The following IMMP2L variants were observed in gnomAD, a reference collection of about 807,000 sequenced individuals.
IMMP2L encodes the protein inner mitochondrial membrane peptidase subunit 2, also known as mitochondrial inner membrane protease subunit 2.
Under a neutral mutation model 19.3 loss-of-function variants are expected in IMMP2L, and 18 were observed. That is an observed-to-expected ratio of 0.93 (90% CI 0.64 to 1.38). The LOEUF (loss-of-function observed/expected upper bound fraction) is 1.38. IMMP2L is among the 40% of genes most tolerant of loss of function. The pLI is 0.00. For missense variants in IMMP2L, 233 were observed against 218.2 expected (o/e 1.07, Z -0.43); for synonymous variants, 76 against 73.0 (o/e 1.04, Z -0.21).
chr7:110,840,759 T>C (rs1804994256), intron 5 of IMMP2L, among the ~76,000 whole-genome samples: 1 of 152,160 alleles, frequency 6.6e-6, no homozygotes, highest in Admixed American at 6.6e-5. Flanking sequence ...CTAATGATTG[T>C]ATCACATATA....
At chr7:110,818,057 G>A (rs377631611) in intron 5 of IMMP2L, among the ~76,000 whole-genome samples, 1 of 151,970 alleles carries the variant, frequency 6.6e-6, no homozygotes, top group Non-Finnish European at 1.5e-5. Context: ...GCATGGGCAA[G>A]GACTTCATGT....
chr7:110,880,453 G>C (rs1051367517), intron 5 of IMMP2L, among the ~76,000 whole-genome samples: 3 of 152,008 alleles, frequency 2.0e-5, no homozygotes, highest in African/African-American at 7.2e-5. Context: ...TATTTACATA[G>C]CTTGCTATTT....
chr7:110,797,333 G>A (rs1381710627), intron 5 of IMMP2L, among the ~76,000 whole-genome samples: 1 of 151,988 alleles, frequency 6.6e-6, no homozygotes, highest in Non-Finnish European at 1.5e-5. Flanking sequence ...CATATGTGTA[G>A]TAGAGGAGCT....
chr7:111,266,471 A>G (rs1817846801), intron 3 of IMMP2L, among the ~76,000 whole-genome samples: 1 of 151,136 alleles, frequency 6.6e-6, no homozygotes, highest in South Asian at 2.1e-4. Context: ...TGAACCCAGG[A>G]GACAGAGGTT....
At chr7:111,518,613 A>G (rs995708017) in intron 2 of IMMP2L, among the ~76,000 whole-genome samples, 1 of 152,112 alleles carries the variant, frequency 6.6e-6, no homozygotes, top group Non-Finnish European at 1.5e-5. Flanking sequence ...CATGACATAA[A>G]CGTGTTTAGT....
At chr7:111,243,631 G>A (rs1406616145) in intron 3 of IMMP2L, among the ~76,000 whole-genome samples, 1 of 118,176 alleles carries the variant, frequency 8.5e-6, no homozygotes, top group African/African-American at 3.3e-5. Context: ...GTGTCATCTA[G>A]CATTAGGTAT....
intron 3 of IMMP2L, among the ~76,000 whole-genome samples, chr7:111,332,454 G>A (rs565241083): frequency 1.8e-4 from 27 of 151,952 alleles, no homozygotes; most frequent in African/African-American, 5.1e-4. Context: ...ACGTTTTAAC[G>A]CTAAAGCCAA....
intron 5 of IMMP2L, among the ~76,000 whole-genome samples, chr7:110,808,081 T>A (rs1026788099): frequency 6.6e-6 from 1 of 152,096 alleles, no homozygotes; most frequent in East Asian, 1.9e-4. Flanking sequence ...TATTAGTTTT[T>A]CACTTTAATA....
intron 4 of IMMP2L, among the ~76,000 whole-genome samples, chr7:110,887,677 A>T (rs926962804): frequency 1.3e-5 from 2 of 151,790 alleles, no homozygotes; most frequent in African/African-American, 4.8e-5. Context: ...AACGAAAGAG[A>T]CAGGCTTACA....
At chr7:110,867,990 T>A (rs1431772242) in intron 5 of IMMP2L, among the ~76,000 whole-genome samples, 1 of 151,884 alleles carries the variant, frequency 6.6e-6, no homozygotes, top group Non-Finnish European at 1.5e-5. Context: ...ATAAAAGTAA[T>A]CAACATAGGG....
intron 3 of IMMP2L, among the ~76,000 whole-genome samples, chr7:111,073,397 T>C (rs981425716): frequency 6.6e-6 from 1 of 152,110 alleles, no homozygotes; most frequent in African/African-American, 2.4e-5. Context: ...TATTCTTGCA[T>C]ATTTTTTACA....
At chr7:111,131,031 A>G (rs1331342718) in intron 3 of IMMP2L, among the ~76,000 whole-genome samples, 3 of 152,050 alleles carry the variant, frequency 2.0e-5, no homozygotes, top group African/African-American at 7.2e-5. Flanking sequence ...AAAATTACAT[A>G]TAAAATGCAT....
chr7:110,807,041 G>A lies in IMMP2L; in HGVS notation c.408+79552C>T, dbSNP rs184028611. 2.1e-3 allele frequency among the ~76,000 whole-genome samples: 324 copies of A among 152,030 alleles called. 1 individual carries two copies. Among genetic ancestry groups the A allele is most frequent in the African/African-American group, 7.5e-3 (310 of 41,524 alleles). ...GACCATAATGACCAATCTATGCTAA[G>A]TAGTCAGTCCCCATCTCTGTATCAA... On this transcript the variant is annotated intron_variant, in intron 5 of 5. Transcript: ENST00000405709.
chr7:111,408,088 A>C (rs999007914), intron 3 of IMMP2L, among the ~76,000 whole-genome samples: 1 of 152,034 alleles, frequency 6.6e-6, no homozygotes, highest in Non-Finnish European at 1.5e-5. Context: ...TAACTTATAA[A>C]AATAAAACAT....
intron 3 of IMMP2L, among the ~76,000 whole-genome samples, chr7:111,190,028 C>T (rs1483923977): frequency 6.6e-6 from 1 of 152,144 alleles, no homozygotes; most frequent in Non-Finnish European, 1.5e-5. Flanking sequence ...TGGAAATTAA[C>T]ATGGCCAGTT....
chr7:110,781,053 T>C (rs1799706295), intron 5 of IMMP2L, among the ~76,000 whole-genome samples: 1 of 151,986 alleles, frequency 6.6e-6, no homozygotes, highest in African/African-American at 2.4e-5. Context: ...TTTGTTAACC[T>C]TGAAACATTT....
At chr7:111,087,737 A>C (rs1796479963) in intron 3 of IMMP2L, among the ~76,000 whole-genome samples, 1 of 152,164 alleles carries the variant, frequency 6.6e-6, no homozygotes, top group Non-Finnish European at 1.5e-5. Context: ...AAAAAATGGT[A>C]AGTAATAAGA....
chr7:111,150,812 A>G (rs1299445397), intron 3 of IMMP2L, among the ~76,000 whole-genome samples: 1 of 152,020 alleles, frequency 6.6e-6, no homozygotes, highest in East Asian at 1.9e-4. Context: ...CTTTTTTGAG[A>G]TTAATTTTCT....
intron 5 of IMMP2L, among the ~76,000 whole-genome samples, chr7:110,763,953 A>T (rs1364785055): frequency 6.6e-6 from 1 of 152,168 alleles, no homozygotes; most frequent in Admixed American, 6.6e-5. Context: ...ATAGCAGGAC[A>T]GTAAACTTCA....
Sources: gnomAD v4.1 joint callset for allele counts (sites outside exome capture counted in the v4.1 genomes callset) on GRCh38, gnomAD v4.1.1 for gene constraint, MANE v1.5 for transcripts, NCBI Gene and HGNC (gene_info 2026-07-23, HGNC 2026-07-21) for gene names.